Variants in DACH1 observed in about 807,000 individuals in gnomAD.
DACH1 encodes the protein dachshund homolog 1.
Under a neutral mutation model 54.2 loss-of-function variants are expected in DACH1, and 12 were observed. The ratio of observed to expected loss-of-function variants is 0.22; its 90% CI spans 0.14 to 0.36. The LOEUF (loss-of-function observed/expected upper bound fraction) is 0.36, where lower values mean the gene tolerates loss of function less well. Ranked by LOEUF, DACH1 falls within the 10% of genes least tolerant of loss-of-function variation. The probability of loss-of-function intolerance (pLI) is 1.00; values close to 1 mark genes in which losing one functional copy is unlikely to be tolerated. For missense variants in DACH1, 805 were observed against 929.8 expected (o/e 0.87, Z 1.75); for synonymous variants, 386 against 366.2 (o/e 1.05, Z -0.62).
intron 6 of DACH1, among the ~76,000 whole-genome samples, chr13:71,547,915 G>A (rs1485134271): frequency 6.6e-6 from 1 of 152,080 alleles, no homozygotes; most frequent in East Asian, 1.9e-4. Flanking sequence ...CCAAGCACAA[G>A]AAACAACAGG....
intron 1 of DACH1, among the ~76,000 whole-genome samples, chr13:71,754,535 A>T (rs1289906584): frequency 6.6e-6 from 1 of 152,168 alleles, no homozygotes; most frequent in Non-Finnish European, 1.5e-5. Flanking sequence ...GATGAGGAAA[A>T]TGAGGTTTAT....
intron 1 of DACH1, among the ~76,000 whole-genome samples, chr13:71,725,074 T>TA (rs940371023): frequency 8.0e-5 from 12 of 149,318 alleles, no homozygotes; most frequent in South Asian, 2.1e-4. Flanking sequence ...ACTGAAACTG[T>TA]AAAAAAAAAA....
intron 1 of DACH1, among the ~76,000 whole-genome samples, chr13:71,853,477 C>T (rs2138270366): frequency 6.6e-6 from 1 of 152,252 alleles, no homozygotes; most frequent in South Asian, 2.1e-4. Context: ...GAAAGGCTTT[C>T]TCAAGAAATG....
At chr13:71,699,919 T>A (rs1011752229) in intron 1 of DACH1, among the ~76,000 whole-genome samples, 2 of 152,220 alleles carry the variant, frequency 1.3e-5, no homozygotes, top group Admixed American at 1.3e-4. Flanking sequence ...AAAAAAATGT[T>A]AAAAGCAATG....
At chr13:71,477,073 T>A (rs757961286) in intron 8 of DACH1, among the ~76,000 whole-genome samples, 3 of 140,462 alleles carry the variant, frequency 2.1e-5, no homozygotes, top group African/African-American at 7.7e-5. Flanking sequence ...TAATCCTGTT[T>A]TTATTATTAT....
chr13:71,510,717 A>G (rs1221497069), intron 6 of DACH1, among the ~76,000 whole-genome samples: 1 of 152,012 alleles, frequency 6.6e-6, no homozygotes, highest in Non-Finnish European at 1.5e-5. Context: ...AAATCTATTT[A>G]TTCATTTGAA....
chr13:71,651,433 T>C (rs1373035309), intron 2 of DACH1, among the ~76,000 whole-genome samples: 2 of 151,854 alleles, frequency 1.3e-5, no homozygotes, highest in Admixed American at 1.3e-4. Flanking sequence ...AAAAAGTTTA[T>C]GAGTGGGTTC....
chr13:71,516,145 G>C (rs757559619), intron 6 of DACH1, among the ~76,000 whole-genome samples: 1 of 151,676 alleles, frequency 6.6e-6, no homozygotes, highest in Non-Finnish European at 1.5e-5. Flanking sequence ...TTTTGCTGGC[G>C]GTTAATTTCT....
At chr13:71,493,619 A>G (rs1879171071) in intron 6 of DACH1, among the ~76,000 whole-genome samples, 1 of 152,192 alleles carries the variant, frequency 6.6e-6, no homozygotes, top group South Asian at 2.1e-4. Context: ...AGTTAGTATT[A>G]GCTGCTTTGG....
intron 1 of DACH1, among the ~76,000 whole-genome samples, chr13:71,783,654 T>C (rs940835514): frequency 6.6e-6 from 1 of 152,082 alleles, no homozygotes; most frequent in South Asian, 2.1e-4. Context: ...ATGGTTACAA[T>C]AGATTATAAG....
At chr13:71,571,119 C>A (rs1885166425) in intron 4 of DACH1, among the ~76,000 whole-genome samples, 1 of 151,992 alleles carries the variant, frequency 6.6e-6, no homozygotes, top group Non-Finnish European at 1.5e-5. Flanking sequence ...TAATGTAAAT[C>A]TTACCTAAAT....
At chr13:71,807,840 T>G (rs1472564681) in intron 1 of DACH1, among the ~76,000 whole-genome samples, 2 of 152,172 alleles carry the variant, frequency 1.3e-5, no homozygotes, top group Non-Finnish European at 2.9e-5. Context: ...TTTACCAAAT[T>G]TTCTATGTCC....
At chr13:71,473,849 T>G (rs1877290948) in intron 10 of DACH1, among the ~76,000 whole-genome samples, 1 of 152,168 alleles carries the variant, frequency 6.6e-6, no homozygotes, top group Non-Finnish European at 1.5e-5. Context: ...ATATTTGCAT[T>G]TGTCTTGTTG....
intron 2 of DACH1, among the ~76,000 whole-genome samples, chr13:71,669,870 C>A (rs1880105448): frequency 6.6e-6 from 1 of 152,090 alleles, no homozygotes; most frequent in African/African-American, 2.4e-5. Flanking sequence ...CAATGTCACA[C>A]AGCTAGCAAG....
In DACH1 at chr13:71,771,725, T is replaced by A. The variant is rs181585100; in HGVS notation, c.849-89815A>T. Among the ~76,000 whole-genome samples, 769 of 151,442 alleles carry A rather than the reference T, an allele frequency of 5.1e-3. 6 individuals carry two copies. Among genetic ancestry groups the A allele is most frequent in the Middle Eastern group, 0.034 (10 of 294 alleles). ...ATGGGCTACAAACTCATAGAAAGGA[T>A]TTGAGTAAAATTCTTATTATTCATC... is the stretch of plus-strand genomic sequence containing the variant. On this transcript the variant is annotated intron_variant, in intron 1 of 10. Transcript: ENST00000613252.
At chr13:71,515,985 G>T (rs1206570520) in intron 6 of DACH1, among the ~76,000 whole-genome samples, 4 of 151,854 alleles carry the variant, frequency 2.6e-5, no homozygotes, top group African/African-American at 7.2e-5. Context: ...ACTTAAGAAA[G>T]AAGTTAGGAG....
intron 2 of DACH1, among the ~76,000 whole-genome samples, chr13:71,655,653 G>A (rs539087519): frequency 1.1e-4 from 16 of 152,130 alleles, no homozygotes; most frequent in African/African-American, 3.6e-4. Flanking sequence ...TTACAGACGT[G>A]AGCCACTGAG....
chr13:71,508,278 G>A (rs1231055520), intron 6 of DACH1, among the ~76,000 whole-genome samples: 1 of 152,074 alleles, frequency 6.6e-6, no homozygotes, highest in East Asian at 1.9e-4. Flanking sequence ...TGAATTCATT[G>A]TGAATTGCCA....
intron 1 of DACH1, among the ~76,000 whole-genome samples, chr13:71,837,108 G>C (rs1888820870): frequency 6.6e-6 from 1 of 151,638 alleles, no homozygotes; most frequent in African/African-American, 2.4e-5. Context: ...AAATGAAAAT[G>C]CATTATTCTC....
Sources: gnomAD v4.1 joint callset for allele counts (sites outside exome capture counted in the v4.1 genomes callset) on GRCh38, gnomAD v4.1.1 for gene constraint, MANE v1.5 for transcripts, NCBI Gene and HGNC (gene_info 2026-07-23, HGNC 2026-07-21) for gene names.